SUGCT: variants seen among roughly 807,000 people sequenced by gnomAD.
SUGCT encodes the protein succinyl-CoA:glutarate-CoA transferase.
A neutral mutation model predicts 55.0 loss-of-function variants in SUGCT; 41 were observed. That is an observed-to-expected ratio of 0.74 (90% CI 0.58 to 0.97). SUGCT has a LOEUF of 0.97. Ranked by LOEUF, SUGCT falls within the 50% of genes least tolerant of loss-of-function variation. The pLI is 0.00. For synonymous variants in SUGCT, 187 were observed against 200.4 expected, an observed-to-expected ratio of 0.93 and a Z score of 0.56; for missense variants, 568 against 547.8, an observed-to-expected ratio of 1.04 and a Z score of -0.37.
At chr7:40,751,142 T>C (rs1787990806) in intron 13 of SUGCT, among the ~76,000 whole-genome samples, 1 of 152,216 alleles carries the variant, frequency 6.6e-6, no homozygotes, top group Admixed American at 6.5e-5. Flanking sequence ...GGCAGACTTA[T>C]AACATGACAC....
At chr7:40,760,588 G>A (rs971944503) in intron 13 of SUGCT, among the ~76,000 whole-genome samples, 4 of 151,984 alleles carry the variant, frequency 2.6e-5, no homozygotes, top group Admixed American at 6.5e-5. Context: ...GGTCAAAATG[G>A]TAAATTTCAT....
the SUGCT span, among the ~76,000 whole-genome samples, chr7:40,946,016 C>A: frequency 6.6e-6 from 1 of 152,088 alleles, no homozygotes; most frequent in South Asian, 2.1e-4. Flanking sequence ...TTTTCAAATG[C>A]CAGCTGTAGT....
intron 12 of SUGCT, among the ~76,000 whole-genome samples, chr7:40,510,009 A>C (rs1263119329): frequency 6.6e-6 from 1 of 152,142 alleles, no homozygotes; most frequent in Non-Finnish European, 1.5e-5. Flanking sequence ...CATAGTTGTT[A>C]AGTTGAAGTG....
intron 7 of SUGCT, among the ~76,000 whole-genome samples, chr7:40,267,695 T>G (rs1160408350): frequency 6.6e-6 from 1 of 152,146 alleles, no homozygotes; most frequent in African/African-American, 2.4e-5. Context: ...CTTCTCTGAT[T>G]TTGTCTTCTT....
the SUGCT span, among the ~76,000 whole-genome samples, chr7:40,973,957 A>T: frequency 4.6e-5 from 7 of 152,234 alleles, no homozygotes; most frequent in Non-Finnish European, 7.3e-5. Context: ...GAAATCAATT[A>T]TGTATTGGCT....
the SUGCT span, among the ~76,000 whole-genome samples, chr7:40,926,549 A>G: frequency 3.9e-5 from 6 of 152,180 alleles, no homozygotes; most frequent in African/African-American, 1.4e-4. Context: ...CCCAAAATTT[A>G]TATGTTGAAG....
At chr7:40,435,665 T>G (rs1268626995) in intron 9 of SUGCT, among the ~76,000 whole-genome samples, 1 of 152,194 alleles carries the variant, frequency 6.6e-6, no homozygotes, top group Admixed American at 6.5e-5. Context: ...TTCAATGGCT[T>G]GGGCTTCTGC....
intron 11 of SUGCT, among the ~76,000 whole-genome samples, chr7:40,484,044 A>G (rs577612804): frequency 5.3e-5 from 8 of 152,358 alleles, no homozygotes; most frequent in African/African-American, 1.9e-4. Context: ...ATTTACAACT[A>G]CTATAATTTC....
chr7:40,983,745 G>A, the SUGCT span, among the ~76,000 whole-genome samples: 2 of 152,154 alleles, frequency 1.3e-5, no homozygotes, highest in South Asian at 2.1e-4. Flanking sequence ...AGAAAATTAA[G>A]CCATGGTTTT....
intron 13 of SUGCT, among the ~76,000 whole-genome samples, chr7:40,824,380 C>G (rs924632342): frequency 1.3e-5 from 2 of 151,734 alleles, no homozygotes; most frequent in Non-Finnish European, 2.9e-5. Context: ...GTTGGGGAGG[C>G]AAGAACAGAG....
At chr7:40,187,037 A>G (rs1170309255) in intron 3 of SUGCT, among the ~76,000 whole-genome samples, 1 of 152,194 alleles carries the variant, frequency 6.6e-6, no homozygotes, top group Non-Finnish European at 1.5e-5. Context: ...AACCAACCCA[A>G]ATGTCCAACA....
At chr7:41,003,995 T>C in the SUGCT span, among the ~76,000 whole-genome samples, 1 of 152,160 alleles carries the variant, frequency 6.6e-6, no homozygotes, top group South Asian at 2.1e-4. Flanking sequence ...TCCCACCACA[T>C]TATCATGGCC....
intron 1 of SUGCT, among the ~76,000 whole-genome samples, chr7:40,169,181 C>T (rs1304898550): frequency 1.3e-5 from 2 of 152,108 alleles, no homozygotes; most frequent in Non-Finnish European, 2.9e-5. Flanking sequence ...ATGGCCCCTG[C>T]TTTTGCTAGG....
intron 13 of SUGCT, among the ~76,000 whole-genome samples, chr7:40,854,434 T>G (rs958752747): frequency 7.0e-6 from 1 of 143,374 alleles, no homozygotes; most frequent in Non-Finnish European, 1.5e-5. Flanking sequence ...CTTTCTTTCT[T>G]TCTTTCTTTC....
At chr7:40,158,972 G>A (rs534717004) in intron 1 of SUGCT, among the ~76,000 whole-genome samples, 1 of 152,322 alleles carries the variant, frequency 6.6e-6, no homozygotes, top group South Asian at 2.1e-4. Context: ...ATGAAGTGCA[G>A]TGGCATGATC....
chr7:40,480,415 T>C (rs1790963751), intron 11 of SUGCT, among the ~76,000 whole-genome samples: 2 of 152,190 alleles, frequency 1.3e-5, no homozygotes, highest in South Asian at 4.1e-4. Context: ...TTTTGATTTT[T>C]TGTAGTTTTG....
chr7:40,723,482 A>AT lies in SUGCT; in HGVS notation c.1090-25950dup, dbSNP rs1239326811. Among the ~76,000 whole-genome samples, 3 of 152,140 alleles carry AT rather than the reference A, an allele frequency of 2.0e-5. No individual in the cohort carries two copies. The East Asian group carries it at 5.8e-4, about 29-fold the overall frequency. On this transcript the variant is annotated intron_variant, in intron 12 of 13. Coordinates refer to ENST00000335693, the MANE Select transcript of SUGCT (RefSeq NM_001193313.2). ...TTCCAGAAATATACAAAATGCACGA[A>AT]TTCCTCAACCGATAATGCAGCAGAT...
rs149861014 is a variant in SUGCT at position 40,153,035 on chromosome 7, C to T, written c.100+17915C>T. 1.9e-3 allele frequency: 357 copies of T among 190,764 alleles called. 2 individuals are homozygous for T. The highest frequency in any genetic ancestry group is 8.2e-3 in the African/African-American group (341 of 41,704). 11.8% of individuals were successfully genotyped at this position (190,764 alleles called of 1,614,324 possible). A position where few individuals can be genotyped will look rare whatever the true frequency, so the allele number is the denominator to read the frequency against. On this transcript the variant is annotated intron_variant, in intron 1 of 13. Transcript: ENST00000335693. ...ATGTTGATTTTAAGGAACAAACAAACAAACAAAAACAAAGCTCAAAAAGAT... is the reference window on the plus strand; with the variant it reads ...ATGTTGATTTTAAGGAACAAACAAATAAACAAAAACAAAGCTCAAAAAGAT...
At chr7:40,575,748 C>T (rs1276805784) in intron 12 of SUGCT, among the ~76,000 whole-genome samples, 1 of 151,740 alleles carries the variant, frequency 6.6e-6, no homozygotes, top group Non-Finnish European at 1.5e-5. Flanking sequence ...GAGTTCGAGA[C>T]CAGCCTGGCC....
Sources: allele counts gnomAD v4.1 joint callset (sites outside exome capture counted in the v4.1 genomes callset), GRCh38; gene constraint gnomAD v4.1.1; transcripts MANE v1.5; gene names NCBI Gene and HGNC (gene_info 2026-07-23, HGNC 2026-07-21).